FOXO3: variants seen among roughly 807,000 people sequenced by gnomAD.
The protein encoded by FOXO3 is forkhead box protein O3.
FOXO3 carries 4 observed loss-of-function variants against 41.9 expected under a neutral mutation model. The observed-to-expected ratio is 0.10, with a 90% CI of 0.05 to 0.22. The LOEUF is 0.22. Among genes scored for constraint, FOXO3 ranks in the 10% least tolerant of loss-of-function variants. The probability of loss-of-function intolerance (pLI) is 1.00; values close to 1 mark genes in which losing one functional copy is unlikely to be tolerated. For missense variants in FOXO3, 534 were observed against 906.8 expected (o/e 0.59, Z 5.28); for synonymous variants, 318 against 389.3 (o/e 0.82, Z 2.16).
rs755297980 is a variant in FOXO3 at position 108,561,488 on chromosome 6, C to T, written c.280C>T (p.Leu94Phe). 2.7e-6 allele frequency: 4 copies of T among 1,490,200 alleles called. No individual in the cohort carries two copies. The East Asian group carries it at 7.9e-5, about 30-fold the overall frequency. 92.3% of individuals were successfully genotyped at this position (1,490,200 alleles called of 1,614,324 possible). Reference sequence around the variant, plus strand: ...CGGCACGCTGGGCTCCGGGCTGCTCCTTGAGGACTCGGCCCGGGTGCTGGC... The same window carrying T: ...CGGCACGCTGGGCTCCGGGCTGCTCTTTGAGGACTCGGCCCGGGTGCTGGC... ...GSGTLGSGLLLEDSARVLAPG... is the reference protein window; with the variant it reads ...GSGTLGSGLLFEDSARVLAPG... Residue 94 changes from leucine to phenylalanine, a missense_variant, in exon 1 of 3, where the codon CTT (leucine) becomes TTT (phenylalanine). Physicochemically the swap from Leu to Phe is conservative, Grantham distance 22. This residue lies in a region of FOXO3 where 139 missense variants were observed against 163.7 expected (regional missense o/e 0.85). Coordinates refer to ENST00000406360, the MANE Select transcript of FOXO3 (RefSeq NM_001455.4).
At position 108,681,846 on chromosome 6, in the gene FOXO3, C is replaced by G. The variant is rs1046478078; in HGVS notation, c.*2054C>G. The G allele has an allele frequency of 1.3e-5, 2 of 152,144 alleles. No homozygotes were observed. Among genetic ancestry groups the G allele is most frequent in the African/African-American group, 4.8e-5 (2 of 41,416 alleles). 9.4% of individuals were successfully genotyped at this position (152,144 alleles called of 1,614,324 possible). A position where few individuals can be genotyped will look rare whatever the true frequency, so the allele number is the denominator to read the frequency against. On this transcript the variant is annotated 3_prime_UTR_variant, in exon 3 of 3. Transcript: ENST00000406360. The stretch of plus-strand genomic sequence containing the variant: ...TATTCCTTTATAATAATGCTAGCCA[C>G]TTCCTGGATTCTTTAGTAATGTGCT...
At chr6:108,594,199 AG>A (rs1776810696) in intron 1 of FOXO3, among the ~76,000 whole-genome samples, 1 of 152,162 alleles carries the variant, frequency 6.6e-6, no homozygotes, top group African/African-American at 2.4e-5. Flanking sequence ...TAGAAGGAAA[AG>A]GGCAGCTTGA....
chr6:108,658,152 A>T (rs548659904), intron 1 of FOXO3, among the ~76,000 whole-genome samples: 51 of 152,272 alleles, frequency 3.3e-4, no homozygotes, highest in African/African-American at 1.2e-3. Context: ...AACAGAATGT[A>T]TTTCTGGCAT....
intron 1 of FOXO3, among the ~76,000 whole-genome samples, chr6:108,632,768 G>A (rs1219934736): frequency 2.0e-5 from 3 of 152,142 alleles, no homozygotes; most frequent in Admixed American, 6.6e-5. Flanking sequence ...TGTAGAAAAC[G>A]TCAACTTCCT....
chr6:108,639,907 A>G (rs1778213454), intron 1 of FOXO3, among the ~76,000 whole-genome samples: 1 of 152,236 alleles, frequency 6.6e-6, no homozygotes, highest in Admixed American at 6.5e-5. Context: ...CAGAAAGAAC[A>G]TAGAACTCAC....
chr6:108,630,403 G>T (rs1777932215), intron 1 of FOXO3, among the ~76,000 whole-genome samples: 1 of 152,124 alleles, frequency 6.6e-6, no homozygotes, highest in African/African-American at 2.4e-5. Context: ...CGTTAGACTG[G>T]TGAGTGAGGA....
At chr6:108,678,492 A>G (rs1433103309) in intron 2 of FOXO3, among the ~76,000 whole-genome samples, 1 of 93,818 alleles carries the variant, frequency 1.1e-5, no homozygotes, top group African/African-American at 2.8e-5. Context: ...CTATGAATAT[A>G]CTTTTTTTTT....
chr6:108,636,125 T>C (rs1778114659), intron 1 of FOXO3, among the ~76,000 whole-genome samples: 1 of 152,206 alleles, frequency 6.6e-6, no homozygotes, highest in South Asian at 2.1e-4. Context: ...GCTTCTGAAA[T>C]GTGACTAGCA....
intron 1 of FOXO3, among the ~76,000 whole-genome samples, chr6:108,636,576 C>T (rs1351533370): frequency 1.3e-5 from 2 of 152,042 alleles, no homozygotes; most frequent in Non-Finnish European, 2.9e-5. Context: ...CTCAGGAAGG[C>T]GGTGACTAGA....
intron 1 of FOXO3, among the ~76,000 whole-genome samples, chr6:108,568,056 A>C (rs186035885): frequency 8.6e-5 from 13 of 151,852 alleles, no homozygotes; most frequent in Non-Finnish European, 1.9e-4. Flanking sequence ...CTCAAAAAAA[A>C]AAAAAATTAG....
chr6:108,670,383 G>A (rs1419063780), intron 2 of FOXO3, among the ~76,000 whole-genome samples: 3 of 151,790 alleles, frequency 2.0e-5, no homozygotes, highest in African/African-American at 7.3e-5. Flanking sequence ...TTTAAAATGT[G>A]TTTTGCAAAT....
At chr6:108,660,866 C>G (rs1251625379) in intron 1 of FOXO3, among the ~76,000 whole-genome samples, 2 of 152,130 alleles carry the variant, frequency 1.3e-5, no homozygotes, top group Non-Finnish European at 2.9e-5. Context: ...GTCCCCTGCA[C>G]TTTGCAACAA....
intron 1 of FOXO3, among the ~76,000 whole-genome samples, chr6:108,590,620 C>T (rs560214451): frequency 6.6e-6 from 1 of 152,180 alleles, no homozygotes; most frequent in East Asian, 1.9e-4. Flanking sequence ...AAATCTGAAA[C>T]ACTTCCAGGT....
chr6:108,669,592 T>TA (rs35250930), intron 2 of FOXO3, among the ~76,000 whole-genome samples: 1 of 152,184 alleles, frequency 6.6e-6, no homozygotes, highest in Non-Finnish European at 1.5e-5. Flanking sequence ...TCTTACCTTT[T>TA]AAAAAAAGCC....
intron 1 of FOXO3, among the ~76,000 whole-genome samples, chr6:108,644,024 C>T (rs1329409717): frequency 6.6e-6 from 1 of 152,152 alleles, no homozygotes; most frequent in Non-Finnish European, 1.5e-5. Flanking sequence ...GATTGTTTTG[C>T]CCCATTTTAT....
chr6:108,667,712 A>G (rs1779103171), intron 2 of FOXO3, among the ~76,000 whole-genome samples: 1 of 152,314 alleles, frequency 6.6e-6, no homozygotes, highest in Non-Finnish European at 1.5e-5. Context: ...GTTATATCCT[A>G]ATGAAGCTTT....
At chr6:108,671,672 G>A (rs758844748) in intron 2 of FOXO3, among the ~76,000 whole-genome samples, 7 of 152,154 alleles carry the variant, frequency 4.6e-5, no homozygotes, top group Admixed American at 1.3e-4. Flanking sequence ...GGTTAATAGT[G>A]GAAGCCAGAA....
rs2128370733 is a variant in FOXO3, at chr6:108,615,457, T to C, written c.622-47998T>C. 3.3e-5 allele frequency among the ~76,000 whole-genome samples: 5 copies of C among 152,262 alleles called. 1 individual carries two copies. In the Middle Eastern group the frequency reaches 0.017, roughly 518 times the overall value. The stretch of plus-strand genomic sequence containing the variant: ...ACATAGTCTCTGAAAAGTGATTTGC[T>C]CATTCTATATTTCTCTTAATGTCTT... On this transcript the variant is annotated intron_variant, in intron 1 of 2. Transcript: ENST00000406360.
At chr6:108,658,438 A>G (rs748390865) in intron 1 of FOXO3, among the ~76,000 whole-genome samples, 7 of 152,212 alleles carry the variant, frequency 4.6e-5, no homozygotes, top group Non-Finnish European at 1.0e-4. Flanking sequence ...AGAAACCTCT[A>G]AACTGAGAGT....
Sources: gnomAD v4.1 joint callset for allele counts (sites outside exome capture counted in the v4.1 genomes callset) on GRCh38, gnomAD v4.1.1 for gene constraint, gnomAD v4.1.1 regional missense constraint, MANE v1.5 for transcripts, NCBI Gene and HGNC (gene_info 2026-07-23, HGNC 2026-07-21) for gene names.